Variants in CA10 observed in about 807,000 individuals in gnomAD.
CA10 encodes the protein carbonic anhydrase 10 (inactive), also known as carbonic anhydrase-related protein 10.
Under a neutral mutation model 44.2 loss-of-function variants are expected in CA10, and 14 were observed. That is an observed-to-expected ratio of 0.32 (90% CI 0.21 to 0.50). The LOEUF (loss-of-function observed/expected upper bound fraction) is 0.50. Ranked by LOEUF, CA10 falls within the 20% of genes least tolerant of loss-of-function variation. The pLI is 0.99. For missense variants in CA10, 350 were observed against 409.7 expected, an observed-to-expected ratio of 0.85 and a Z score of 1.26; for synonymous variants, 159 against 141.6, an observed-to-expected ratio of 1.12 and a Z score of -0.87.
chr17:51,763,614 CA>C (rs1187446530), intron 3 of CA10, among the ~76,000 whole-genome samples: 1 of 152,196 alleles, frequency 6.6e-6, no homozygotes, highest in African/African-American at 2.4e-5. Flanking sequence ...AAAAGCCTCT[CA>C]GATTTCCACT....
intron 3 of CA10, among the ~76,000 whole-genome samples, chr17:51,758,436 G>A (rs913317260): frequency 3.9e-5 from 6 of 152,190 alleles, no homozygotes; most frequent in Admixed American, 1.3e-4. Flanking sequence ...TCACTAAGGC[G>A]TGGGCTAAAT....
intron 4 of CA10, among the ~76,000 whole-genome samples, chr17:51,672,838 C>T (rs968422795): frequency 1.3e-5 from 2 of 152,332 alleles, no homozygotes; most frequent in East Asian, 3.9e-4. Context: ...CTCACCCTGC[C>T]AGTCTCAGTC....
At chr17:51,803,362 ACAG>A (rs1907011153) in intron 3 of CA10, among the ~76,000 whole-genome samples, 1 of 152,080 alleles carries the variant, frequency 6.6e-6, no homozygotes, top group Non-Finnish European at 1.5e-5. Flanking sequence ...AGCTCTGCCC[ACAG>A]CATCTCCCGC....
chr17:51,643,004 G>A (rs1913157226), intron 6 of CA10, among the ~76,000 whole-genome samples: 1 of 152,074 alleles, frequency 6.6e-6, no homozygotes, highest in African/African-American at 2.4e-5. Flanking sequence ...TAAATGAATG[G>A]GGGCATGCGA....
At chr17:51,692,417 AT>A (rs1915241290) in intron 4 of CA10, among the ~76,000 whole-genome samples, 1 of 122,072 alleles carries the variant, frequency 8.2e-6, no homozygotes, top group Non-Finnish European at 1.9e-5. Context: ...CTATCTATCT[AT>A]CTATCTATTT....
intron 2 of CA10, among the ~76,000 whole-genome samples, chr17:51,957,752 T>C (rs1388126071): frequency 6.6e-6 from 1 of 152,206 alleles, no homozygotes; most frequent in Non-Finnish European, 1.5e-5. Flanking sequence ...AACTATTTTC[T>C]GCTCTCCTAG....
At chr17:51,802,003 G>A (rs1906951338) in intron 3 of CA10, among the ~76,000 whole-genome samples, 2 of 152,162 alleles carry the variant, frequency 1.3e-5, no homozygotes, top group Admixed American at 1.3e-4. Context: ...CCTACAGTTG[G>A]GTATCATGAC....
chr17:51,876,394 G>T lies in CA10; in HGVS notation c.279+54596C>A, dbSNP rs983791506. The stretch of plus-strand genomic sequence containing the variant: ...GATGAGGTCTCTCTATGTTGCCCAG[G>T]CTGGTCTCAAACTCCTGAGCTCAAG... On this transcript the variant is annotated intron_variant, in intron 3 of 8. Transcript: ENST00000451037. Among the ~76,000 whole-genome samples, 37 of 149,278 alleles carry T rather than the reference G, an allele frequency of 2.5e-4. 1 individual carries two copies. Among genetic ancestry groups the T allele is most frequent in the East Asian group, 2.0e-4 (1 of 5,114 alleles).
intron 3 of CA10, among the ~76,000 whole-genome samples, chr17:51,818,116 C>G (rs374421057): frequency 1.3e-5 from 2 of 152,188 alleles, no homozygotes; most frequent in Non-Finnish European, 2.9e-5. Context: ...TTGTTTATCT[C>G]TGCTGTTGAA....
intron 3 of CA10, among the ~76,000 whole-genome samples, chr17:51,831,957 G>A (rs997136786): frequency 6.6e-6 from 1 of 152,156 alleles, no homozygotes; most frequent in African/African-American, 2.4e-5. Context: ...CCCACTCCAA[G>A]CTTGCTCCCT....
intron 2 of CA10, among the ~76,000 whole-genome samples, chr17:51,991,431 A>G (rs996584031): frequency 6.6e-6 from 1 of 152,128 alleles, no homozygotes; most frequent in Non-Finnish European, 1.5e-5. Context: ...TACATCATCA[A>G]CATCCTAGGA....
chr17:51,741,097 T>C (rs1319879904), intron 4 of CA10, among the ~76,000 whole-genome samples: 3 of 152,232 alleles, frequency 2.0e-5, no homozygotes, highest in African/African-American at 7.2e-5. Flanking sequence ...ATTTGTTAAC[T>C]GGATGAATGA....
At chr17:51,969,668 A>G (rs1401191702) in intron 2 of CA10, among the ~76,000 whole-genome samples, 1 of 151,956 alleles carries the variant, frequency 6.6e-6, no homozygotes, top group Non-Finnish European at 1.5e-5. Context: ...ATTTCCACAC[A>G]GATGGATATT....
chr17:52,108,791 T>C (rs1290842403), intron 1 of CA10, among the ~76,000 whole-genome samples: 1 of 146,292 alleles, frequency 6.8e-6, no homozygotes, highest in African/African-American at 2.5e-5. Context: ...GGATAAAAGA[T>C]AACAAATATG....
At chr17:52,122,759 G>T (rs1226418100) in intron 1 of CA10, among the ~76,000 whole-genome samples, 1 of 152,118 alleles carries the variant, frequency 6.6e-6, no homozygotes, top group East Asian at 1.9e-4. Flanking sequence ...CGCCTCTTGG[G>T]TTCAACTGCT....
chr17:51,759,254 C>G (rs940991948), intron 3 of CA10, among the ~76,000 whole-genome samples: 2 of 151,776 alleles, frequency 1.3e-5, no homozygotes, highest in Non-Finnish European at 2.9e-5. Context: ...GCAGTATGCC[C>G]CCAATGGAAT....
intron 4 of CA10, among the ~76,000 whole-genome samples, chr17:51,730,713 T>C (rs886484382): frequency 2.0e-5 from 3 of 152,188 alleles, no homozygotes; most frequent in Admixed American, 6.5e-5. Flanking sequence ...AATTAAATAA[T>C]ATAACCTGCA....
chr17:51,747,735 G>A lies in CA10; in HGVS notation c.363C>T (p.Pro121=). 6.2e-7 allele frequency: 1 copy of A among 1,614,078 alleles called. No homozygotes were observed. Among genetic ancestry groups the A allele is most frequent in the East Asian group, 2.2e-5 (1 of 44,868 alleles). Residue 121 remains proline, a synonymous_variant, in exon 4 of 9, where the codon CCC becomes CCT. Coordinates refer to ENST00000451037, the MANE Select transcript of CA10 (RefSeq NM_020178.5). ...CCTCCAGCCGGTGGCTGTATGTCAT[G>A]GGCCCTCCAGATATGTTGACCAAGT... ...KEHLVNISGG[P]MTYSHRLEEI...
At chr17:52,115,341 T>C (rs776335638) in intron 1 of CA10, among the ~76,000 whole-genome samples, 2 of 152,198 alleles carry the variant, frequency 1.3e-5, no homozygotes, top group Non-Finnish European at 2.9e-5. Flanking sequence ...CAAAAAATCC[T>C]GCATCATTTT....
Sources: allele counts gnomAD v4.1 joint callset (sites outside exome capture counted in the v4.1 genomes callset), GRCh38; gene constraint gnomAD v4.1.1; transcripts MANE v1.5; gene names NCBI Gene and HGNC (gene_info 2026-07-23, HGNC 2026-07-21).